ARMC8: variants seen among roughly 807,000 people sequenced by gnomAD.
ARMC8 encodes the protein armadillo repeat-containing protein 8.
Under a neutral mutation model 99.3 loss-of-function variants are expected in ARMC8, and 20 were observed. That is an observed-to-expected ratio of 0.20 (90% confidence interval 0.14 to 0.29). ARMC8 has a LOEUF of 0.29. Ranked by LOEUF, ARMC8 falls within the 10% of genes least tolerant of loss-of-function variation. ARMC8 has a pLI of 1.00. For synonymous variants in ARMC8, 263 were observed against 278.3 expected, an observed-to-expected ratio of 0.95 and a Z score of 0.55; for missense variants, 569 against 809.5, an observed-to-expected ratio of 0.70 and a Z score of 3.60.
chr3:138,196,468 A>T (rs942754646), intron 1 of ARMC8, among the ~76,000 whole-genome samples: 6 of 152,158 alleles, frequency 3.9e-5, no homozygotes, highest in Admixed American at 2.6e-4. Flanking sequence ...CCAGGAGAAC[A>T]TGCATATGCC....
intron 12 of ARMC8, among the ~76,000 whole-genome samples, chr3:138,257,839 G>C (rs542270059): frequency 6.6e-6 from 1 of 152,058 alleles, no homozygotes; most frequent in Non-Finnish European, 1.5e-5. Context: ...TTCCTTGCCA[G>C]ACCTACTCTC....
At position 138,237,280 on chromosome 3, in the gene ARMC8, A is replaced by G. The variant is rs751360747; in HGVS notation, c.610-29A>G. 53 of 1,601,484 alleles carry G rather than the reference A, an allele frequency of 3.3e-5. No individual in the cohort carries two copies. In the Middle Eastern group the frequency reaches 5.0e-4, roughly 15 times the overall value. ...AATTTGCATTTGCAGAATTAAACAC[A>G]TTTTTTGTTTGTTCATTTATTTTTA... On this transcript the variant is annotated intron_variant, in intron 7 of 21. Transcript: ENST00000469044.
chr3:138,289,268 G>A, intron 20 of ARMC8, 148 bp downstream of exon 20: 2 of 638,284 alleles, frequency 3.1e-6, no homozygotes, highest in Non-Finnish European at 5.5e-6. Flanking sequence ...CCTGGTATGA[G>A]AATCAGTGGA....
chr3:138,199,320 C>T (rs1028172460), intron 1 of ARMC8, among the ~76,000 whole-genome samples: 1 of 152,110 alleles, frequency 6.6e-6, no homozygotes, highest in African/African-American at 2.4e-5. Flanking sequence ...ACCAAAAAAG[C>T]CTACATCAAA....
chr3:138,228,799 G>T, intron 5 of ARMC8, 119 bp from the exon 6 acceptor site: 1 of 637,586 alleles, frequency 1.6e-6, no homozygotes. Context: ...GCCTTAAGGA[G>T]ACTTGATTGA....
intron 10 of ARMC8, among the ~76,000 whole-genome samples, chr3:138,240,990 C>T (rs1323333821): frequency 6.6e-6 from 1 of 152,036 alleles, no homozygotes; most frequent in Non-Finnish European, 1.5e-5. Context: ...GCAGAGGTTG[C>T]AGTGAGCCGA....
chr3:138,244,556 G>A (rs911875885), intron 11 of ARMC8, among the ~76,000 whole-genome samples: 5 of 152,178 alleles, frequency 3.3e-5, no homozygotes, highest in African/African-American at 1.2e-4. Flanking sequence ...GGGATTACAG[G>A]CGTGAGCCAC....
chr3:138,252,561 C>G (rs1402632764), intron 12 of ARMC8, among the ~76,000 whole-genome samples: 1 of 150,400 alleles, frequency 6.6e-6, no homozygotes, highest in African/African-American at 2.5e-5. Context: ...TCAAGCGATT[C>G]TCCTGCCTCA....
intron 11 of ARMC8, among the ~76,000 whole-genome samples, chr3:138,244,226 A>G (rs2046771597): frequency 6.6e-6 from 1 of 152,074 alleles, no homozygotes; most frequent in Non-Finnish European, 1.5e-5. Flanking sequence ...TTTGTTAAGC[A>G]TTTTCACAAT....
chr3:138,212,764 G>T (rs930997157), intron 2 of ARMC8, among the ~76,000 whole-genome samples: 7 of 152,134 alleles, frequency 4.6e-5, no homozygotes, highest in African/African-American at 1.7e-4. Flanking sequence ...ACCAAAATAG[G>T]TAGGTAGAAA....
intron 1 of ARMC8, among the ~76,000 whole-genome samples, chr3:138,205,497 C>A (rs2044323401): frequency 6.6e-6 from 1 of 152,158 alleles, no homozygotes; most frequent in South Asian, 2.1e-4. Flanking sequence ...AGTGTTTGGT[C>A]TAGTCCATGC....
chr3:138,294,656 A>G (rs1381954719), intron 21 of ARMC8, among the ~76,000 whole-genome samples: 1 of 152,186 alleles, frequency 6.6e-6, no homozygotes, highest in Non-Finnish European at 1.5e-5. Flanking sequence ...TTGATCAGCT[A>G]TTGTACCTGA....
At chr3:138,239,123 CT>C (rs1323817918) in intron 9 of ARMC8, 1 of 186,114 alleles carries the variant, frequency 5.4e-6, no homozygotes, top group Non-Finnish European at 1.1e-5. Flanking sequence ...ACATTTTTCC[CT>C]TTTTATTATG....
At chr3:138,244,969 T>C in intron 11 of ARMC8, 119 bp from the exon 12 acceptor site, 1 of 1,237,532 alleles carries the variant, frequency 8.1e-7, no homozygotes, top group Non-Finnish European at 1.1e-6. Flanking sequence ...ATGTAGTTAA[T>C]GACTGGGAAA....
intron 7 of ARMC8, 116 bp from the exon 8 acceptor site, chr3:138,237,193 C>A (rs1386104497): frequency 1.2e-6 from 1 of 828,764 alleles, no homozygotes; most frequent in Non-Finnish European, 2.0e-6. Flanking sequence ...TCTTTGAGGC[C>A]TGTTAGTATT....
rs1350400389 is a variant in ARMC8 at position 138,263,518 on chromosome 3, G to T, written c.1135-221G>T. The T allele has an allele frequency of 1.2e-5, 7 of 572,558 alleles. No individual in the cohort carries two copies. The South Asian group carries it at 1.5e-4, about 12-fold the overall frequency. 35.5% of individuals were successfully genotyped at this position (572,558 alleles called of 1,614,324 possible). A position where few individuals can be genotyped will look rare whatever the true frequency, so the allele number is the denominator to read the frequency against. ...TCTTTAAAAATAAACAACATAACCTGCCCCTTACGCCTGTCATTCAGCCTG... is the reference window on the plus strand; with the variant it reads ...TCTTTAAAAATAAACAACATAACCTTCCCCTTACGCCTGTCATTCAGCCTG... On this transcript the variant is annotated intron_variant, in intron 12 of 21. Transcript: ENST00000469044.
chr3:138,203,675 T>C (rs78440475), intron 1 of ARMC8, among the ~76,000 whole-genome samples: 9,774 of 152,274 alleles, frequency 0.064, 1,025 homozygotes, highest in African/African-American at 0.22. Context: ...TCACTCAAGG[T>C]GAGGGATTGC....
intron 12 of ARMC8, among the ~76,000 whole-genome samples, chr3:138,263,116 G>T (rs1471933387): frequency 6.6e-6 from 1 of 152,332 alleles, no homozygotes; most frequent in East Asian, 1.9e-4. Flanking sequence ...GTCAAATTCA[G>T]TTTCCTTCAC....
chr3:138,292,530 C>T (rs1178539231), intron 21 of ARMC8, among the ~76,000 whole-genome samples: 1 of 152,126 alleles, frequency 6.6e-6, no homozygotes, highest in Non-Finnish European at 1.5e-5. Flanking sequence ...ACCAACGGGA[C>T]TTACTCACAG....
Sources: allele counts gnomAD v4.1 joint callset (sites outside exome capture counted in the v4.1 genomes callset), GRCh38; gene constraint gnomAD v4.1.1; transcripts MANE v1.5; gene names NCBI Gene and HGNC (gene_info 2026-07-23, HGNC 2026-07-21).